Variants in RAD23B observed in about 807,000 individuals in gnomAD.
The protein encoded by RAD23B is lysine-specific demethylase RAD23B.
RAD23B carries 5 observed loss-of-function variants against 49.1 expected under a neutral mutation model. That is an observed-to-expected ratio of 0.10 (90% CI 0.05 to 0.21). RAD23B has a LOEUF of 0.21. Among genes scored for constraint, RAD23B ranks in the 10% least tolerant of loss-of-function variants. The probability of loss-of-function intolerance (pLI) is 1.00; values close to 1 mark genes in which losing one functional copy is unlikely to be tolerated. For missense variants in RAD23B, 356 were observed against 486.7 expected (o/e 0.73, Z 2.53); for synonymous variants, 184 against 165.4 (o/e 1.11, Z -0.86).
At chr9:107,312,644 C>T (rs750439293) in intron 5 of RAD23B, among the ~76,000 whole-genome samples, 1 of 152,186 alleles carries the variant, frequency 6.6e-6, no homozygotes, top group Non-Finnish European at 1.5e-5. Flanking sequence ...GTCCTAAAAC[C>T]ACTCTGCTAT....
intron 5 of RAD23B, among the ~76,000 whole-genome samples, chr9:107,317,291 T>C (rs1455137638): frequency 1.3e-5 from 2 of 152,066 alleles, no homozygotes; most frequent in Non-Finnish European, 2.9e-5. Context: ...CTACCAGGTA[T>C]GCTGGTAAGT....
intron 1 of RAD23B, among the ~76,000 whole-genome samples, chr9:107,298,523 G>A (rs1425349665): frequency 7.6e-6 from 1 of 131,884 alleles, no homozygotes; most frequent in Admixed American, 8.0e-5. Context: ...TAGAGACAGG[G>A]TTTTACCATG....
chr9:107,302,907 C>T (rs1454754016), intron 3 of RAD23B, among the ~76,000 whole-genome samples: 3 of 152,132 alleles, frequency 2.0e-5, no homozygotes, highest in Non-Finnish European at 2.9e-5. Flanking sequence ...CCGCCCGCCT[C>T]GGCCTCCCAA....
chr9:107,301,826 C>T lies in RAD23B; in HGVS notation c.149-209C>T, dbSNP rs577428620. On this transcript the variant is annotated intron_variant, in intron 2 of 9. Transcript: ENST00000358015. ...AAAGTGTTGGGATTACAGGTGTGAG[C>T]CACCATGCCCTGCCACTTAGGAGTT... is the stretch of plus-strand genomic sequence containing the variant. Among the ~76,000 whole-genome samples, 10 of 152,264 alleles carry T rather than the reference C, an allele frequency of 6.6e-5. No individual in the cohort carries two copies. The South Asian group carries it at 2.1e-3, about 32-fold the overall frequency.
intron 9 of RAD23B, 138 bp from the exon 10 acceptor site, chr9:107,329,405 A>C: frequency 3.6e-6 from 2 of 553,244 alleles, no homozygotes; most frequent in Non-Finnish European, 6.3e-6. Flanking sequence ...TAAAATTCTC[A>C]AGAGCTTTTT....
chr9:107,283,488 A>T lies in RAD23B; in HGVS notation c.-142A>T. The T allele has an allele frequency of 1.8e-6, 1 of 541,750 alleles. No individual in the cohort carries two copies. Among genetic ancestry groups the T allele is most frequent in the East Asian group, 3.5e-5 (1 of 28,978 alleles). The allele number at this position is 541,750 out of a possible 1,614,324, so 33.6% of individuals were successfully genotyped here. ...GGGGGAGAGGCCGCTCCGCTGGGCG[A>T]ATGTGACAAGCCCCCACCCCCACCG... is the stretch of plus-strand genomic sequence containing the variant. On this transcript the variant is annotated 5_prime_UTR_variant, in exon 1 of 10. Coordinates refer to ENST00000358015, the MANE Select transcript of RAD23B (RefSeq NM_002874.5).
chr9:107,297,011 T>A (rs1034245396), intron 1 of RAD23B, among the ~76,000 whole-genome samples: 1 of 151,928 alleles, frequency 6.6e-6, no homozygotes, highest in Non-Finnish European at 1.5e-5. Context: ...TGCACCACCA[T>A]GCCCGGCTAA....
chr9:107,291,068 A>G (rs1223485864), intron 1 of RAD23B, among the ~76,000 whole-genome samples: 1 of 152,240 alleles, frequency 6.6e-6, no homozygotes, highest in South Asian at 2.1e-4. Context: ...TAAACATTGT[A>G]TAAACTTATT....
At chr9:107,287,846 A>AC (rs1388641784) in intron 1 of RAD23B, among the ~76,000 whole-genome samples, 2 of 151,662 alleles carry the variant, frequency 1.3e-5, no homozygotes, top group Non-Finnish European at 2.9e-5. Context: ...AAAAAAAAAA[A>AC]AAAACAAAAA....
intron 3 of RAD23B, 21 bp downstream of exon 3, chr9:107,302,135 G>C (rs1826667252): frequency 6.2e-7 from 1 of 1,610,422 alleles, no homozygotes; most frequent in Non-Finnish European, 8.5e-7. Flanking sequence ...ACCTCATTCT[G>C]TATATCTTTA....
chr9:107,319,076 G>C (rs1485854765), intron 6 of RAD23B, among the ~76,000 whole-genome samples, 197 bp downstream of exon 6: 1 of 148,378 alleles, frequency 6.7e-6, no homozygotes, highest in Admixed American at 6.7e-5. Context: ...CATTGTAGTA[G>C]CTTTTTAGGT....
At chr9:107,288,784 T>C (rs1833324991) in intron 1 of RAD23B, among the ~76,000 whole-genome samples, 1 of 152,198 alleles carries the variant, frequency 6.6e-6, no homozygotes, top group South Asian at 2.1e-4. Flanking sequence ...CACTCGAGAA[T>C]GAAGAGAATG....
At chr9:107,325,313 CAAAAAAAAA>C (rs34042765) in intron 9 of RAD23B, among the ~76,000 whole-genome samples, 1,783 of 61,422 alleles carry the variant, frequency 0.029, 49 homozygotes, top group African/African-American at 0.11. Context: ...GACTCTGTCT[CAAAAAAAAA>C]AAAAAAAAAA....
intron 3 of RAD23B, among the ~76,000 whole-genome samples, chr9:107,302,945 C>T (rs1271763737): frequency 5.3e-5 from 8 of 152,224 alleles, no homozygotes; most frequent in Admixed American, 2.6e-4. Flanking sequence ...CGTGAGCCAC[C>T]GCGCCCAGCC....
Position 107,323,972 on chromosome 9 carries a change from A to G in RAD23B, c.900A>G (p.Pro300=), listed in dbSNP as rs980547655. 1.2e-5 allele frequency: 19 copies of G among 1,613,326 alleles called. No individual in the cohort carries two copies. The highest frequency in any genetic ancestry group is 1.4e-5 in the Non-Finnish European group (17 of 1,179,378). The change falls in exon 8 of 10, where the codon CCA becomes CCG. Residue 300 remains proline (P), a synonymous_variant. Coordinates refer to ENST00000358015, the MANE Select transcript of RAD23B (RefSeq NM_002874.5). ...TTCAGCAGAATCCTTCCTTGCTTCC[A>G]GCGTTACTACAGCAGATAGGTCGAG... ...QIIQQNPSLL[P]ALLQQIGREN...
At chr9:107,287,355 A>C (rs2133061203) in intron 1 of RAD23B, among the ~76,000 whole-genome samples, 1 of 152,356 alleles carries the variant, frequency 6.6e-6, no homozygotes, top group South Asian at 2.1e-4. Context: ...ACAACTAAAA[A>C]CAAAACTCAG....
chr9:107,303,282 CAA>C (rs1826695934), intron 3 of RAD23B, among the ~76,000 whole-genome samples: 1 of 152,054 alleles, frequency 6.6e-6, no homozygotes, highest in African/African-American at 2.4e-5. Context: ...GGTTTTTTCT[CAA>C]AGTCACAAAA....
At chr9:107,296,020 T>C (rs564282740) in intron 1 of RAD23B, among the ~76,000 whole-genome samples, 1 of 152,172 alleles carries the variant, frequency 6.6e-6, no homozygotes, top group African/African-American at 2.4e-5. Flanking sequence ...AACAGTTAAC[T>C]AAGAGCTGGT....
intron 5 of RAD23B, among the ~76,000 whole-genome samples, chr9:107,313,382 C>A (rs952166249): frequency 1.3e-5 from 2 of 152,054 alleles, no homozygotes; most frequent in Non-Finnish European, 2.9e-5. Flanking sequence ...CGTGCCACCA[C>A]GCCCGACTAA....
Sources: gnomAD v4.1 joint callset for allele counts (sites outside exome capture counted in the v4.1 genomes callset) on GRCh38, gnomAD v4.1.1 for gene constraint, MANE v1.5 for transcripts, NCBI Gene and HGNC (gene_info 2026-07-23, HGNC 2026-07-21) for gene names.